TASP1: variants seen among roughly 807,000 people sequenced by gnomAD.
TASP1 encodes threonine aspartase 1.
Under a neutral mutation model 56.6 loss-of-function variants are expected in TASP1, and 16 were observed. The ratio of observed to expected loss-of-function variants is 0.28; its 90% CI spans 0.19 to 0.43. The LOEUF (loss-of-function observed/expected upper bound fraction) is 0.43, where lower values mean the gene tolerates loss of function less well. TASP1 is among the 20% of genes least tolerant of loss of function. The pLI, the probability that TASP1 is intolerant of heterozygous loss-of-function variation, is 1.00. For missense variants in TASP1, 393 were observed against 511.6 expected, an observed-to-expected ratio of 0.77 and a Z score of 2.24; for synonymous variants, 179 against 184.2, an observed-to-expected ratio of 0.97 and a Z score of 0.23.
At chr20:13,490,295 C>T (rs2043477179) in intron 10 of TASP1, among the ~76,000 whole-genome samples, 1 of 151,918 alleles carries the variant, frequency 6.6e-6, no homozygotes, top group Admixed American at 6.6e-5. Flanking sequence ...AAATGGAGTC[C>T]TGCATATTTT....
the TASP1 span, among the ~76,000 whole-genome samples, chr20:13,313,400 A>G: frequency 6.6e-6 from 1 of 152,232 alleles, no homozygotes; most frequent in South Asian, 2.1e-4. Flanking sequence ...ATTTTGGCCA[A>G]TCACAGGCAG....
chr20:13,380,882 G>GA, the TASP1 span, among the ~76,000 whole-genome samples: 1 of 152,132 alleles, frequency 6.6e-6, no homozygotes, highest in African/African-American at 2.4e-5. Flanking sequence ...ACTGTGAGGG[G>GA]AAAACCGCCT....
chr20:13,325,998 G>T, the TASP1 span, among the ~76,000 whole-genome samples: 50,247 of 151,618 alleles, frequency 0.33, 10,196 homozygotes, highest in African/African-American at 0.56. Flanking sequence ...TCCCAACTCC[G>T]GGTAACCACT....
chr20:13,536,508 TAAAC>T (rs1433193067), intron 8 of TASP1, among the ~76,000 whole-genome samples: 1 of 152,080 alleles, frequency 6.6e-6, no homozygotes, highest in South Asian at 2.1e-4. Flanking sequence ...CTCACACAAA[TAAAC>T]AAACTGTAAA....
chr20:13,303,245 A>G, the TASP1 span, among the ~76,000 whole-genome samples: 4 of 152,272 alleles, frequency 2.6e-5, no homozygotes, highest in Admixed American at 1.3e-4. Flanking sequence ...ACTCATCCCA[A>G]GGTCTGCTGG....
chr20:13,432,763 G>A (rs999513896), intron 12 of TASP1, among the ~76,000 whole-genome samples: 2 of 152,068 alleles, frequency 1.3e-5, no homozygotes, highest in African/African-American at 4.8e-5. Context: ...AAAATACTAT[G>A]ACTTATCCTT....
chr20:13,366,374 G>A, the TASP1 span, among the ~76,000 whole-genome samples: 1 of 152,158 alleles, frequency 6.6e-6, no homozygotes, highest in Non-Finnish European at 1.5e-5. Flanking sequence ...ACCAGGGAGG[G>A]ATGAGGAAAC....
the TASP1 span, chr20:13,299,272 C>G: frequency 1.9e-6 from 3 of 1,610,500 alleles, no homozygotes; most frequent in African/African-American, 4.0e-5. The surrounding 1 kb of genome is among the most constrained non-coding windows in gnomAD (Gnocchi z 5.8). Context: ...GCGGGCACGC[C>G]CAACCTCATC....
chr20:13,496,206 A>G (rs2043720361), intron 10 of TASP1, among the ~76,000 whole-genome samples: 1 of 152,080 alleles, frequency 6.6e-6, no homozygotes, highest in African/African-American at 2.4e-5. Context: ...GGTGCCTGCC[A>G]CCACACCTGG....
chr20:13,154,195 C>T, the TASP1 span: 1 of 1,601,012 alleles, frequency 6.2e-7, no homozygotes, highest in Non-Finnish European at 8.5e-7. Flanking sequence ...CCTAAGATGG[C>T]TTTTTGGCAC....
At chr20:13,147,261 G>T in the TASP1 span, among the ~76,000 whole-genome samples, 1 of 152,148 alleles carries the variant, frequency 6.6e-6, no homozygotes, top group Non-Finnish European at 1.5e-5. Flanking sequence ...TTCAGTGCCT[G>T]ATAAAAATGT....
the TASP1 span, among the ~76,000 whole-genome samples, chr20:13,176,919 T>C: frequency 6.6e-6 from 1 of 152,214 alleles, no homozygotes; most frequent in East Asian, 1.9e-4. Flanking sequence ...GTAAAGGACC[T>C]CTATAAGGAA....
At chr20:13,238,028 G>A in the TASP1 span, 1 of 152,128 alleles carries the variant, frequency 6.6e-6, no homozygotes, top group Non-Finnish European at 1.5e-5. Context: ...AAAGGAACTG[G>A]CTCCATGGTC....
the TASP1 span, among the ~76,000 whole-genome samples, chr20:13,274,933 G>A: frequency 6.6e-6 from 1 of 152,028 alleles, no homozygotes; most frequent in Non-Finnish European, 1.5e-5. Flanking sequence ...TAAGAGGTTG[G>A]GTTTTATCAA....
chr20:13,528,473 A>G lies in TASP1; in HGVS notation c.834T>C (p.Thr278=). The G allele has an allele frequency of 1.9e-6, 3 of 1,611,042 alleles. No individual in the cohort carries two copies. Among genetic ancestry groups the G allele is most frequent in the South Asian group, 1.1e-5 (1 of 90,598 alleles). The part of the protein sequence containing the change: ...LYGCGCWAEN[T]GAHNPYSTAV... ...CTGTGGAGTAGGGGTTATGAGCTCC[A>G]GTATTTTCAGCCCAGCAGCCACATC... Residue 278 remains threonine (T), a synonymous_variant, in exon 10 of 14, where the codon ACT becomes ACC. Transcript: ENST00000337743.
the TASP1 span, among the ~76,000 whole-genome samples, chr20:13,254,124 T>G: frequency 6.6e-6 from 1 of 151,020 alleles, no homozygotes; most frequent in African/African-American, 2.4e-5. Context: ...TCCCAGCTAC[T>G]TGGGAGACTG....
intron 10 of TASP1, among the ~76,000 whole-genome samples, chr20:13,489,996 G>A (rs538503873): frequency 6.6e-6 from 1 of 152,230 alleles, no homozygotes; most frequent in Non-Finnish European, 1.5e-5. Flanking sequence ...ATTGAAAATG[G>A]CTCAGAAAAC....
chr20:13,598,561 A>C (rs1193554782), intron 4 of TASP1, among the ~76,000 whole-genome samples: 2 of 152,220 alleles, frequency 1.3e-5, no homozygotes, highest in African/African-American at 4.8e-5. Context: ...TAAATGTTAG[A>C]CCTAAAACCA....
the TASP1 span, among the ~76,000 whole-genome samples, chr20:13,106,070 G>A: frequency 6.6e-6 from 1 of 152,062 alleles, no homozygotes; most frequent in Non-Finnish European, 1.5e-5. Context: ...GCTAAAACAC[G>A]CTCTTGGGAA....
Sources: gnomAD v4.1 joint callset for allele counts (sites outside exome capture counted in the v4.1 genomes callset) on GRCh38, gnomAD v4.1.1 for gene constraint, Gnocchi (gnomAD v3.1) non-coding constraint, MANE v1.5 for transcripts, NCBI Gene and HGNC (gene_info 2026-07-23, HGNC 2026-07-21) for gene names.